Variants in ITGB1BP1 observed in about 807,000 individuals in gnomAD.
The protein encoded by ITGB1BP1 is integrin beta-1-binding protein 1.
Under a neutral mutation model 28.0 loss-of-function variants are expected in ITGB1BP1, and 20 were observed. The ratio of observed to expected loss-of-function variants is 0.71; its 90% confidence interval spans 0.50 to 1.04. The LOEUF is 1.04. ITGB1BP1 is among the 50% of genes least tolerant of loss of function. The pLI is 0.00. For synonymous variants in ITGB1BP1, 103 were observed against 89.5 expected (o/e 1.15, Z -0.85); for missense variants, 228 against 242.5 (o/e 0.94, Z 0.40).
intron 3 of ITGB1BP1, among the ~76,000 whole-genome samples, chr2:9,413,460 C>T (rs62118845): frequency 0.28 from 42,819 of 151,938 alleles, 7,191 homozygotes; most frequent in Non-Finnish European, 0.39. Context: ...TCCCAAGTAG[C>T]TGGGATTACA....
chr2:9,423,307 CG>C, intron 1 of ITGB1BP1, 65 bp downstream of exon 1: 1 of 1,223,834 alleles, frequency 8.2e-7, no homozygotes, highest in South Asian at 1.4e-5. Flanking sequence ...GCGCCGCTCT[CG>C]GGACCGTGTT....
rs149210779 is a variant in ITGB1BP1 at position 9,412,630 on chromosome 2, A to C, written c.152-225T>G. On this transcript the variant is annotated intron_variant, in intron 3 of 6. Transcript: ENST00000355346. The stretch of plus-strand genomic sequence containing the variant: ...AAATATAGTATACAAAGGTCTCAAT[A>C]ATAGGAATAAATATATTAACCTTCC... 1.6e-3 allele frequency: 621 copies of C among 387,034 alleles called. 14 individuals are homozygous for C. In the East Asian group the frequency reaches 0.025, roughly 16 times the overall value. The allele number at this position is 387,034 out of a possible 1,614,324, so 24.0% of individuals were successfully genotyped here.
At position 9,403,785 on chromosome 2, in the gene ITGB1BP1, A is replaced by G. The variant is rs1177481379; in HGVS notation, c.*3049T>C. The stretch of plus-strand genomic sequence containing the variant: ...CTCTGAACTTTCTCGATAAAATGCC[A>G]TCAGTTCACCTTTAAAGACACACAT... On this transcript the variant is annotated 3_prime_UTR_variant, in exon 7 of 7. Coordinates refer to ENST00000355346, the MANE Select transcript of ITGB1BP1 (RefSeq NM_004763.5). The G allele has an allele frequency of 6.3e-6, 1 of 157,990 alleles. No individual in the cohort carries two copies. Among genetic ancestry groups the G allele is most frequent in the African/African-American group, 2.4e-5 (1 of 41,524 alleles). 9.8% of individuals were successfully genotyped at this position (157,990 alleles called of 1,614,324 possible). A position where few individuals can be genotyped will look rare whatever the true frequency, so the allele number is the denominator to read the frequency against.
chr2:9,420,196 G>T, intron 1 of ITGB1BP1: 1 of 219,232 alleles, frequency 4.6e-6, no homozygotes, highest in Non-Finnish European at 7.7e-6. Context: ...CCCACTCTAA[G>T]TCCACTTACT....
intron 3 of ITGB1BP1, 34 bp downstream of exon 3, chr2:9,414,144 C>T (rs779981883): frequency 2.0e-5 from 31 of 1,558,316 alleles, no homozygotes; most frequent in Middle Eastern, 3.4e-4. Flanking sequence ...CAATGAAAAG[C>T]GCAGACAATC....
chr2:9,416,600 TCTTCAAAATAAAC>T (rs1339739025), intron 2 of ITGB1BP1, among the ~76,000 whole-genome samples: 2 of 152,154 alleles, frequency 1.3e-5, no homozygotes, highest in African/African-American at 2.4e-5. Context: ...ATCAGCCAAT[TCTTCAAAATAAAC>T]CTTGAAAATA....
chr2:9,411,926 C>T (rs1678457737), intron 4 of ITGB1BP1: 1 of 201,644 alleles, frequency 5.0e-6, no homozygotes, highest in African/African-American at 2.4e-5. Context: ...CCTGTAATCC[C>T]AGCTACTTGA....
chr2:9,406,531 G>T lies in ITGB1BP1; in HGVS notation c.*303C>A, dbSNP rs533475412. The T allele has an allele frequency of 1.1e-5, 3 of 271,330 alleles. No individual in the cohort carries two copies. The highest frequency in any genetic ancestry group is 3.9e-5 in the South Asian group (1 of 25,790). 16.8% of individuals were successfully genotyped at this position (271,330 alleles called of 1,614,324 possible). Reference sequence around the variant, plus strand: ...CTCGTCTTCCTCAGGCCTTCAGTGTGTGTTTGTCACTGAGTGGACCTCTGT... The same window carrying T: ...CTCGTCTTCCTCAGGCCTTCAGTGTTTGTTTGTCACTGAGTGGACCTCTGT... On this transcript the variant is annotated 3_prime_UTR_variant, in exon 7 of 7. Transcript: ENST00000355346.
intron 1 of ITGB1BP1, chr2:9,419,954 C>G (rs1403008729): frequency 2.2e-5 from 13 of 584,842 alleles, no homozygotes; most frequent in Non-Finnish European, 2.8e-5. Context: ...TTACCAAAAA[C>G]TGTATTCTCC....
intron 2 of ITGB1BP1, among the ~76,000 whole-genome samples, chr2:9,414,572 T>G: frequency 6.6e-6 from 1 of 152,260 alleles, no homozygotes; most frequent in Admixed American, 6.5e-5. Flanking sequence ...ATGAATATTC[T>G]TGCGAACATC....
chr2:9,412,311 A>T lies in ITGB1BP1; in HGVS notation c.246T>A (p.Leu82=). Residue 82 remains leucine (L), a synonymous_variant, in exon 4 of 7, where the codon CTT becomes CTA. Transcript: ENST00000355346. ...EKLKLSEGKG[L]EGPLDLINYI... ...AATTTATCAGGTCTAATGGCCCTTC[A>T]AGGCCTTTTCCCTCGGAGAGTTTCA... The T allele has an allele frequency of 6.2e-7, 1 of 1,612,490 alleles. No homozygotes were observed.
intron 1 of ITGB1BP1, chr2:9,422,799 G>A (rs539493324): frequency 3.0e-4 from 295 of 986,116 alleles, no homozygotes; most frequent in Non-Finnish European, 3.1e-4. Context: ...CACCCTCACC[G>A]ACCAGCAAGG....
In ITGB1BP1 at chr2:9,407,898, G is replaced by GGT. The variant is rs1553336200; in HGVS notation, c.381+214_381+215insAC. 3.0e-5 allele frequency: 14 copies of GGT among 460,668 alleles called. 1 individual carries two copies. The highest frequency in any genetic ancestry group is 1.9e-4 in the Admixed American group (4 of 21,224). 28.5% of individuals were successfully genotyped at this position (460,668 alleles called of 1,614,324 possible). A position where few individuals can be genotyped will look rare whatever the true frequency, so the allele number is the denominator to read the frequency against. On this transcript the variant is annotated intron_variant, in intron 5 of 6. Transcript: ENST00000355346. Reference sequence around the variant, plus strand: ...CGGAGCCATCTGTGTGTTTGGGGGTGGGGGGGGCAGGTTGCATGGGCCCTT... The same window carrying GGT: ...CGGAGCCATCTGTGTGTTTGGGGGTGGTGGGGGGGCAGGTTGCATGGGCCCTT...
chr2:9,417,959 G>A (rs1313218449), intron 2 of ITGB1BP1, among the ~76,000 whole-genome samples: 2 of 152,218 alleles, frequency 1.3e-5, no homozygotes, highest in Non-Finnish European at 2.9e-5. Flanking sequence ...ACACAGCCAT[G>A]CTCAACAAAT....
intron 4 of ITGB1BP1, chr2:9,408,497 A>C: frequency 3.8e-6 from 1 of 265,362 alleles, no homozygotes; most frequent in Non-Finnish European, 7.2e-6. Context: ...AAGTGAGCAC[A>C]TCCGGCTAAT....
Position 9,415,023 on chromosome 2 carries a change from C to T in ITGB1BP1, c.73-767G>A, listed in dbSNP as rs1283162204. On this transcript the variant is annotated intron_variant, in intron 2 of 6. Coordinates refer to ENST00000355346, the MANE Select transcript of ITGB1BP1 (RefSeq NM_004763.5). The surrounding 1 kb of genome is among the most constrained non-coding windows in gnomAD (Gnocchi z 4.1). ...CTTTGGGAGGCTGAGGCGGGTGGAT[C>T]ACCTGAGGACAGGAGTTCGAAACCA... 6.6e-6 allele frequency among the ~76,000 whole-genome samples: 1 copy of T among 151,980 alleles called. No homozygotes were observed. The highest frequency in any genetic ancestry group is 1.5e-5 in the Non-Finnish European group (1 of 67,984).
intron 1 of ITGB1BP1, among the ~76,000 whole-genome samples, chr2:9,421,603 C>T (rs1479706826): frequency 6.6e-6 from 1 of 150,774 alleles, no homozygotes; most frequent in Non-Finnish European, 1.5e-5. Flanking sequence ...AGGAGAATGG[C>T]GTGAACCCGG....
rs1677086214 is a variant in ITGB1BP1, at chr2:9,404,921, T to C, written c.*1913A>G. ...AAAGCACTACATCTGTTTTCACTAATTGTTAATTTCTGTTTGAACCCTTCA... is the reference window on the plus strand; with the variant it reads ...AAAGCACTACATCTGTTTTCACTAACTGTTAATTTCTGTTTGAACCCTTCA... On this transcript the variant is annotated 3_prime_UTR_variant, in exon 7 of 7. Transcript: ENST00000355346. 6.6e-6 allele frequency: 1 copy of C among 152,590 alleles called. No homozygotes were observed. Among genetic ancestry groups the C allele is most frequent in the African/African-American group, 2.4e-5 (1 of 41,442 alleles). 9.5% of individuals were successfully genotyped at this position (152,590 alleles called of 1,614,324 possible).
chr2:9,406,131 TTCAGTGTGTGTTTGTCACTGAGTGGACC>T lies in ITGB1BP1; in HGVS notation c.*675_*702del, dbSNP rs1199721112. 1 of 30,092 alleles carries T rather than the reference TTCAGTGTGTGTTTGTCACTGAGTGGACC, an allele frequency of 3.3e-5. No individual in the cohort carries two copies. The highest frequency in any genetic ancestry group is 2.0e-4 in the African/African-American group (1 of 4,926). The allele number at this position is 30,092 out of a possible 1,614,324, so 1.9% of individuals were successfully genotyped here. ...TGTGACATCTCGTCTTCCTCAGGCCTTCAGTGTGTGTTTGTCACTGAGTGGACCTCTGTGACATCTAGTCTTCCTCAGG... is the reference window on the plus strand; with the variant it reads ...TGTGACATCTCGTCTTCCTCAGGCCTTCTGTGACATCTAGTCTTCCTCAGG... On this transcript the variant is annotated 3_prime_UTR_variant, in exon 7 of 7. Coordinates refer to ENST00000355346, the MANE Select transcript of ITGB1BP1 (RefSeq NM_004763.5).
Sources: gnomAD v4.1 joint callset for allele counts (sites outside exome capture counted in the v4.1 genomes callset) on GRCh38, gnomAD v4.1.1 for gene constraint, Gnocchi (gnomAD v3.1) non-coding constraint, MANE v1.5 for transcripts, NCBI Gene and HGNC (gene_info 2026-07-23, HGNC 2026-07-21) for gene names.